REDIC1: variants seen among roughly 807,000 people sequenced by gnomAD.
REDIC1 encodes the protein HEI10 Interacting Protein 1.
chr12:39,907,982 C>G, the REDIC1 span: 1 of 152,136 alleles, frequency 6.6e-6, no homozygotes, highest in East Asian at 1.9e-4. Context: ...ATGGTGGGAG[C>G]CACATAGGAA....
chr12:39,766,462 G>A, the REDIC1 span, among the ~76,000 whole-genome samples: 1 of 152,092 alleles, frequency 6.6e-6, no homozygotes, highest in Non-Finnish European at 1.5e-5. Context: ...TCTTTTTGGT[G>A]GAGGGTCTTG....
the REDIC1 span, among the ~76,000 whole-genome samples, chr12:39,867,778 G>C: frequency 2.5e-4 from 38 of 152,208 alleles, no homozygotes; most frequent in African/African-American, 8.4e-4. Flanking sequence ...CTGGCTTCCT[G>C]TTGGAAGCAA....
the REDIC1 span, chr12:39,764,346 A>ACTT: frequency 1.0e-6 from 1 of 961,982 alleles, no homozygotes. Flanking sequence ...ACATGGAGAT[A>ACTT]CTTATAACAG....
the REDIC1 span, among the ~76,000 whole-genome samples, chr12:39,730,352 G>T: frequency 9.2e-5 from 14 of 152,282 alleles, no homozygotes; most frequent in African/African-American, 3.4e-4. Flanking sequence ...GGCAGGCCTG[G>T]TGGTGACAAA....
chr12:39,838,756 C>A, the REDIC1 span, among the ~76,000 whole-genome samples: 1 of 152,006 alleles, frequency 6.6e-6, no homozygotes, highest in African/African-American at 2.4e-5. Flanking sequence ...CTCAGAAAAT[C>A]TTTTAAAAAT....
chr12:39,673,853 T>C, the REDIC1 span, among the ~76,000 whole-genome samples: 1 of 152,204 alleles, frequency 6.6e-6, no homozygotes, highest in Non-Finnish European at 1.5e-5. Flanking sequence ...TGTCTTTTAT[T>C]TGTCTATTAT....
At chr12:39,707,771 T>G in the REDIC1 span, among the ~76,000 whole-genome samples, 1 of 152,032 alleles carries the variant, frequency 6.6e-6, no homozygotes, top group Admixed American at 6.6e-5. Flanking sequence ...TTCTGGTTAT[T>G]CTTGATTACT....
chr12:39,747,938 G>A, the REDIC1 span, among the ~76,000 whole-genome samples: 2 of 152,136 alleles, frequency 1.3e-5, no homozygotes, highest in Non-Finnish European at 1.5e-5. Flanking sequence ...CAATAAACAT[G>A]GAAAGGAACA....
chr12:39,673,161 G>C, the REDIC1 span, among the ~76,000 whole-genome samples: 22 of 152,076 alleles, frequency 1.4e-4, no homozygotes, highest in Non-Finnish European at 1.9e-4. Context: ...TGTGCCCCAG[G>C]TGTTTCCTGT....
At chr12:39,738,627 C>G in the REDIC1 span, among the ~76,000 whole-genome samples, 2 of 152,166 alleles carry the variant, frequency 1.3e-5, no homozygotes, top group Non-Finnish European at 2.9e-5. Flanking sequence ...ACAAAAATAT[C>G]TTTTTACTAT....
chr12:39,782,458 C>T, the REDIC1 span, among the ~76,000 whole-genome samples: 39 of 152,282 alleles, frequency 2.6e-4, no homozygotes, highest in Admixed American at 9.2e-4. Context: ...GCCGCCACCA[C>T]GTAAGATGTG....
chr12:39,669,477 C>G, the REDIC1 span, among the ~76,000 whole-genome samples: 1 of 152,182 alleles, frequency 6.6e-6, no homozygotes, highest in Admixed American at 6.5e-5. Flanking sequence ...GGGGGTGCAT[C>G]CCAGTTAGGC....
the REDIC1 span, among the ~76,000 whole-genome samples, chr12:39,690,308 A>G: frequency 6.6e-6 from 1 of 152,176 alleles, no homozygotes. Flanking sequence ...AGGAAAGAAC[A>G]AAGTATTAGA....
chr12:39,798,165 C>T, the REDIC1 span, among the ~76,000 whole-genome samples: 2 of 152,270 alleles, frequency 1.3e-5, no homozygotes, highest in East Asian at 3.9e-4. Flanking sequence ...TAAGGCCTGT[C>T]GGACAACAAC....
At chr12:39,692,231 T>TTG in the REDIC1 span, 1 of 973,650 alleles carries the variant, frequency 1.0e-6, no homozygotes, top group Non-Finnish European at 1.4e-6. Flanking sequence ...TCATGGATAT[T>TTG]TTAGTACTAC....
chr12:39,751,665 A>T, the REDIC1 span, among the ~76,000 whole-genome samples: 4 of 152,230 alleles, frequency 2.6e-5, no homozygotes, highest in African/African-American at 9.6e-5. Flanking sequence ...ATGTCCATCA[A>T]TGATAGACTG....
chr12:39,718,729 C>G, the REDIC1 span, among the ~76,000 whole-genome samples: 3 of 152,158 alleles, frequency 2.0e-5, no homozygotes, highest in African/African-American at 7.2e-5. Flanking sequence ...AGGCAGATAT[C>G]CTTTTTCTTC....
chr12:39,656,934 A>C, the REDIC1 span, among the ~76,000 whole-genome samples: 17 of 152,350 alleles, frequency 1.1e-4, no homozygotes, highest in Middle Eastern at 0.01. Context: ...AGAGTCAAAA[A>C]GTTTAAAAAA....
the REDIC1 span, among the ~76,000 whole-genome samples, chr12:39,893,605 G>T: frequency 6.6e-6 from 1 of 152,078 alleles, no homozygotes; most frequent in Non-Finnish European, 1.5e-5. Flanking sequence ...CAGGCCTACC[G>T]CTCTTTTCTA....
Sources: allele counts gnomAD v4.1 joint callset (sites outside exome capture counted in the v4.1 genomes callset), GRCh38; gene constraint gnomAD v4.1.1; transcripts MANE v1.5; gene names NCBI Gene and HGNC (gene_info 2026-07-23, HGNC 2026-07-21).